SLC2A9: variants seen among roughly 807,000 people sequenced by gnomAD.
The protein encoded by SLC2A9 is solute carrier family 2, facilitated glucose transporter member 9.
In SLC2A9, 39 loss-of-function variants were observed where a neutral mutation model predicts 50.6. The ratio of observed to expected loss-of-function variants is 0.77; its 90% CI spans 0.60 to 1.01. SLC2A9 has a LOEUF of 1.01. Among genes scored for constraint, SLC2A9 ranks in the 50% least tolerant of loss-of-function variants. The probability of loss-of-function intolerance (pLI) is 0.00; values close to 1 mark genes in which losing one functional copy is unlikely to be tolerated. For missense variants in SLC2A9, 686 were observed against 677.6 expected (o/e 1.01, Z -0.14); for synonymous variants, 324 against 276.9 (o/e 1.17, Z -1.69).
chr4:9,982,176 G>A (rs987771341), intron 4 of SLC2A9, among the ~76,000 whole-genome samples: 25 of 152,208 alleles, frequency 1.6e-4, no homozygotes, highest in African/African-American at 5.5e-4. Context: ...CACTGCGCCC[G>A]GACCGGCTTT....
rs1273072390 is a variant in SLC2A9, at chr4:9,826,390, A to C, written c.*7T>G. ...ACATAATTGTCCAACGTGGAGGAGGAAACTTGTTAAGGCCTTCCATTTATC... is the reference window on the plus strand; with the variant it reads ...ACATAATTGTCCAACGTGGAGGAGGCAACTTGTTAAGGCCTTCCATTTATC... On this transcript the variant is annotated 3_prime_UTR_variant, in exon 12 of 12. Coordinates refer to ENST00000264784, the MANE Select transcript of SLC2A9 (RefSeq NM_020041.3). The C allele has an allele frequency of 7.4e-6, 12 of 1,613,820 alleles. No homozygotes were observed. In the East Asian group the frequency reaches 2.7e-4, roughly 36 times the overall value.
intron 7 of SLC2A9, among the ~76,000 whole-genome samples, chr4:9,919,445 G>T (rs1038509504): frequency 6.6e-6 from 1 of 152,158 alleles, no homozygotes; most frequent in Non-Finnish European, 1.5e-5. Flanking sequence ...TCCTTCTCTG[G>T]ACAGGAATGA....
intron 10 of SLC2A9, among the ~76,000 whole-genome samples, chr4:9,851,538 A>G (rs975359635): frequency 1.3e-5 from 2 of 152,216 alleles, no homozygotes; most frequent in Non-Finnish European, 2.9e-5. Context: ...TCTCCAAATG[A>G]CCACACTAAT....
intron 2 of SLC2A9, among the ~76,000 whole-genome samples, chr4:9,998,134 T>C (rs1211032183): frequency 6.6e-6 from 1 of 152,204 alleles, no homozygotes; most frequent in African/African-American, 2.4e-5. Context: ...TCAGTGTGTT[T>C]GGGACAGGGA....
intron 2 of SLC2A9, among the ~76,000 whole-genome samples, chr4:10,012,568 C>T (rs1324414224): frequency 1.3e-5 from 2 of 152,122 alleles, no homozygotes; most frequent in Admixed American, 6.5e-5. Flanking sequence ...GAAATAAATT[C>T]GGTGAGGGCT....
At chr4:9,909,699 A>G (rs1193825001) in intron 7 of SLC2A9, among the ~76,000 whole-genome samples, 1 of 152,222 alleles carries the variant, frequency 6.6e-6, no homozygotes, top group African/African-American at 2.4e-5. Flanking sequence ...CCTGGACACA[A>G]ATGATGTCTG....
At chr4:9,887,995 T>C (rs535499348) in intron 9 of SLC2A9, among the ~76,000 whole-genome samples, 2 of 152,144 alleles carry the variant, frequency 1.3e-5, no homozygotes, top group South Asian at 4.1e-4. Flanking sequence ...AAGTTCATCA[T>C]TCTCAGCAAA....
At chr4:10,020,637 T>C (rs575457471) in intron 1 of SLC2A9, among the ~76,000 whole-genome samples, 1 of 152,326 alleles carries the variant, frequency 6.6e-6, no homozygotes, top group East Asian at 1.9e-4. Context: ...AAACCTATCC[T>C]CTGAGTCTCG....
At chr4:9,782,886 C>T (rs2227850) in intron 3 of SLC2A9, 2 of 1,614,004 alleles carry the variant, frequency 1.2e-6, no homozygotes, top group Non-Finnish European at 1.7e-6. Flanking sequence ...AGCCTGCGCG[C>T]TTCCATCAAG....
rs1022750331 is a variant in SLC2A9, at chr4:9,880,106, G to C, written c.1291+7461C>G. ...GAGCATCTTCCTGCCACACTTTCCC[G>C]GGTGGCTCCCCTGGGGACTTGCTCT... On this transcript the variant is annotated intron_variant, in intron 10 of 11. Transcript: ENST00000264784. 6 of 985,242 alleles carry C rather than the reference G, an allele frequency of 6.1e-6. No individual in the cohort carries two copies. The East Asian group carries it at 3.4e-4, about 56-fold the overall frequency. The allele number at this position is 985,242 out of a possible 1,614,324, so 61.0% of individuals were successfully genotyped here. A position where few individuals can be genotyped will look rare whatever the true frequency, so the allele number is the denominator to read the frequency against.
chr4:9,981,383 G>C (rs1435355331), intron 4 of SLC2A9, among the ~76,000 whole-genome samples: 1 of 151,854 alleles, frequency 6.6e-6, no homozygotes, highest in Non-Finnish European at 1.5e-5. Context: ...AATGATAATA[G>C]CCAATACACA....
At chr4:9,934,130 G>T (rs1238815874) in intron 6 of SLC2A9, among the ~76,000 whole-genome samples, 1 of 152,106 alleles carries the variant, frequency 6.6e-6, no homozygotes, top group East Asian at 1.9e-4. Flanking sequence ...CATCTTTCAG[G>T]GTGGGGTGGA....
At chr4:9,842,142 G>A (rs1311246305) in intron 10 of SLC2A9, among the ~76,000 whole-genome samples, 2 of 151,966 alleles carry the variant, frequency 1.3e-5, no homozygotes, top group Non-Finnish European at 2.9e-5. Flanking sequence ...TGATTTTAAC[G>A]ACTCTTTTCC....
At chr4:9,801,583 C>T (rs922130191) in intron 3 of SLC2A9, among the ~76,000 whole-genome samples, 1 of 152,280 alleles carries the variant, frequency 6.6e-6, no homozygotes, top group East Asian at 1.9e-4. Context: ...GGGTGGTTCT[C>T]GCAGACATTA....
chr4:10,033,662 ACT>A (rs1475798705), intron 1 of SLC2A9, among the ~76,000 whole-genome samples: 1 of 151,686 alleles, frequency 6.6e-6, no homozygotes, highest in East Asian at 1.9e-4. Context: ...CAATACGCCC[ACT>A]CTCTGCTTCA....
At chr4:10,004,877 A>C (rs962286218) in intron 2 of SLC2A9, among the ~76,000 whole-genome samples, 1 of 152,266 alleles carries the variant, frequency 6.6e-6, no homozygotes, top group African/African-American at 2.4e-5. Context: ...AACAATCTGC[A>C]ATAAAAATTT....
intron 3 of SLC2A9, among the ~76,000 whole-genome samples, chr4:9,802,924 A>G (rs1361900095): frequency 6.6e-6 from 1 of 152,194 alleles, no homozygotes; most frequent in East Asian, 1.9e-4. Flanking sequence ...ACTCTATCAC[A>G]GAACCCTTTC....
intron 1 of SLC2A9, among the ~76,000 whole-genome samples, chr4:10,037,431 T>C (rs1389823498): frequency 6.6e-6 from 1 of 152,188 alleles, no homozygotes; most frequent in African/African-American, 2.4e-5. Flanking sequence ...CTTTTTCTCC[T>C]GGCCTCCTCG....
Position 9,782,622 on chromosome 4 carries a change from C to T in SLC2A9, n.386-2557G>A, listed in dbSNP as rs187886787. 8.7e-6 allele frequency: 14 copies of T among 1,613,872 alleles called. No individual in the cohort carries two copies. The East Asian group carries it at 1.1e-4, about 13-fold the overall frequency. ...GGGCTGGACCTGCCAAACAACCTGG[C>T]CAACTGGACGCCCTGGGAGGAGGAC... On this transcript the variant is annotated intron_variant and non_coding_transcript_variant, in intron 3 of 3. Transcript: ENST00000503803.
Sources: allele counts gnomAD v4.1 joint callset (sites outside exome capture counted in the v4.1 genomes callset), GRCh38; gene constraint gnomAD v4.1.1; transcripts MANE v1.5; gene names NCBI Gene and HGNC (gene_info 2026-07-23, HGNC 2026-07-21).